The following CAMKMT variants were observed in gnomAD, a reference collection of about 807,000 sequenced individuals.
The protein encoded by CAMKMT is CaM KMT.
A neutral mutation model predicts 48.0 loss-of-function variants in CAMKMT; 53 were observed. That is an observed-to-expected ratio of 1.10 (90% confidence interval 0.89 to 1.39). The LOEUF (loss-of-function observed/expected upper bound fraction) is 1.39. Ranked by LOEUF, CAMKMT falls within the 40% of genes most tolerant of loss-of-function variation. CAMKMT has a pLI of 0.00. For synonymous variants in CAMKMT, 165 were observed against 152.3 expected, an observed-to-expected ratio of 1.08 and a Z score of -0.61; for missense variants, 428 against 402.7, an observed-to-expected ratio of 1.06 and a Z score of -0.54.
intron 3 of CAMKMT, among the ~76,000 whole-genome samples, chr2:44,623,930 A>G (rs1426960884): frequency 1.3e-5 from 2 of 152,126 alleles, no homozygotes; most frequent in East Asian, 1.9e-4. Context: ...CCCTCAAATC[A>G]TTATTTTTTG....
chr2:44,769,945 T>G (rs189610345), intron 10 of CAMKMT, among the ~76,000 whole-genome samples: 2 of 152,322 alleles, frequency 1.3e-5, no homozygotes, highest in Non-Finnish European at 2.9e-5. Context: ...TTACATCCAA[T>G]TATGAAGTAA....
At chr2:44,396,376 A>C (rs561324414) in intron 3 of CAMKMT, among the ~76,000 whole-genome samples, 1 of 152,184 alleles carries the variant, frequency 6.6e-6, no homozygotes, top group African/African-American at 2.4e-5. Flanking sequence ...TATTTTCTTT[A>C]TAAAGAGCTC....
At chr2:44,394,190 T>C (rs1681607914) in intron 3 of CAMKMT, among the ~76,000 whole-genome samples, 1 of 152,038 alleles carries the variant, frequency 6.6e-6, no homozygotes, top group Non-Finnish European at 1.5e-5. Flanking sequence ...ATTTCAGTAA[T>C]ATCATTGTGA....
intron 9 of CAMKMT, among the ~76,000 whole-genome samples, chr2:44,755,718 C>G (rs1300210013): frequency 2.6e-5 from 4 of 152,184 alleles, no homozygotes; most frequent in African/African-American, 9.6e-5. Context: ...TCTGTACCCT[C>G]TAATAAACCC....
At chr2:44,504,277 A>G (rs991668206) in intron 3 of CAMKMT, among the ~76,000 whole-genome samples, 9 of 152,200 alleles carry the variant, frequency 5.9e-5, no homozygotes, top group African/African-American at 1.7e-4. Context: ...ATCCTAGAAG[A>G]TAAGACACAC....
chr2:44,745,305 G>A (rs1482611439), intron 8 of CAMKMT, among the ~76,000 whole-genome samples: 2 of 152,146 alleles, frequency 1.3e-5, no homozygotes, highest in Admixed American at 6.5e-5. Context: ...CATACCTTGT[G>A]TTATGGACAC....
At chr2:44,684,872 A>C (rs1027720810) in intron 3 of CAMKMT, among the ~76,000 whole-genome samples, 2 of 152,174 alleles carry the variant, frequency 1.3e-5, no homozygotes, top group Admixed American at 1.3e-4. Context: ...TTAGAAACTT[A>C]CCCACACAAG....
intron 3 of CAMKMT, among the ~76,000 whole-genome samples, chr2:44,683,763 C>A (rs1324732122): frequency 8.1e-6 from 1 of 123,858 alleles, no homozygotes; most frequent in Admixed American, 1.1e-4. Flanking sequence ...GCAGAGCTTG[C>A]AGTGAGCCGA....
intron 7 of CAMKMT, among the ~76,000 whole-genome samples, chr2:44,735,449 G>C (rs983548069): frequency 6.6e-6 from 1 of 151,916 alleles, no homozygotes; most frequent in South Asian, 2.1e-4. Context: ...CTTGCTTTTG[G>C]ATTAAATGAG....
intron 3 of CAMKMT, among the ~76,000 whole-genome samples, chr2:44,542,035 A>AG (rs1309928060): frequency 6.6e-6 from 1 of 150,638 alleles, no homozygotes; most frequent in Non-Finnish European, 1.5e-5. Context: ...AGGCTGAGGC[A>AG]GGAGAATCGC....
chr2:44,541,870 C>T (rs1170227785), intron 3 of CAMKMT, among the ~76,000 whole-genome samples: 1 of 152,056 alleles, frequency 6.6e-6, no homozygotes, highest in Non-Finnish European at 1.5e-5. Flanking sequence ...TGGCTCACGC[C>T]TATAATCTCA....
intron 3 of CAMKMT, among the ~76,000 whole-genome samples, chr2:44,701,449 A>G (rs1677257087): frequency 6.6e-6 from 1 of 152,210 alleles, no homozygotes. Flanking sequence ...CTTTGAGGAA[A>G]CAAACACTCT....
intron 3 of CAMKMT, among the ~76,000 whole-genome samples, chr2:44,407,875 C>T (rs1049186260): frequency 3.9e-5 from 6 of 152,030 alleles, no homozygotes; most frequent in East Asian, 1.9e-4. Flanking sequence ...TCTCTTGCTG[C>T]ACTTTACTAA....
At chr2:44,428,010 C>G (rs1195885722) in intron 3 of CAMKMT, among the ~76,000 whole-genome samples, 2 of 152,172 alleles carry the variant, frequency 1.3e-5, no homozygotes, top group Non-Finnish European at 2.9e-5. Flanking sequence ...TGCCCACAAC[C>G]TCTGGAGCCC....
intron 3 of CAMKMT, among the ~76,000 whole-genome samples, chr2:44,585,105 G>C (rs1258307505): frequency 6.6e-6 from 1 of 151,906 alleles, no homozygotes; most frequent in Non-Finnish European, 1.5e-5. Context: ...AGTAGTTTTA[G>C]TGCCCAGCTT....
chr2:44,727,191 C>T (rs1678837093), intron 7 of CAMKMT, among the ~76,000 whole-genome samples: 1 of 152,160 alleles, frequency 6.6e-6, no homozygotes, highest in Admixed American at 6.5e-5. Flanking sequence ...TGGCCTTGAA[C>T]CTGTAAATTG....
intron 3 of CAMKMT, among the ~76,000 whole-genome samples, chr2:44,554,898 A>G (rs952316133): frequency 6.6e-6 from 1 of 152,122 alleles, no homozygotes; most frequent in African/African-American, 2.4e-5. Context: ...TGAAAACACA[A>G]TAAATACTGC....
At chr2:44,448,460 G>C (rs1169080948) in intron 3 of CAMKMT, among the ~76,000 whole-genome samples, 3 of 152,138 alleles carry the variant, frequency 2.0e-5, no homozygotes, top group Non-Finnish European at 4.4e-5. Flanking sequence ...GTACACCCAG[G>C]TATAAGATTG....
chr2:44,426,613 A>G (rs1302498673), intron 3 of CAMKMT, among the ~76,000 whole-genome samples: 1 of 152,186 alleles, frequency 6.6e-6, no homozygotes, highest in Non-Finnish European at 1.5e-5. Flanking sequence ...AATACTTGTA[A>G]CCAAGGAGGT....
Sources: gnomAD v4.1 joint callset for allele counts (sites outside exome capture counted in the v4.1 genomes callset) on GRCh38, gnomAD v4.1.1 for gene constraint, MANE v1.5 for transcripts, NCBI Gene and HGNC (gene_info 2026-07-23, HGNC 2026-07-21) for gene names.